ECPAS: variants seen among roughly 807,000 people sequenced by gnomAD.
ECPAS encodes the protein Ecm29 proteasome adaptor and scaffold.
ECPAS carries 70 observed loss-of-function variants against 255.1 expected under a neutral mutation model. The ratio of observed to expected loss-of-function variants is 0.27; its 90% confidence interval spans 0.23 to 0.33. ECPAS has a LOEUF of 0.33. Ranked by LOEUF, ECPAS falls within the 10% of genes least tolerant of loss-of-function variation. The probability of loss-of-function intolerance (pLI) is 1.00; values close to 1 mark genes in which losing one functional copy is unlikely to be tolerated. For missense variants in ECPAS, 1,817 were observed against 2,206.4 expected, an observed-to-expected ratio of 0.82 and a Z score of 3.54; for synonymous variants, 784 against 775.0, an observed-to-expected ratio of 1.01 and a Z score of -0.19.
At chr9:111,370,669 G>T in intron 44 of ECPAS, 42 bp from the exon 45 acceptor site, 1 of 1,605,058 alleles carries the variant, frequency 6.2e-7, no homozygotes, top group Admixed American at 1.7e-5. Context: ...AATAAAGGCT[G>T]CAGTTTTCGG....
At position 111,451,702 on chromosome 9, in the gene ECPAS, C is replaced by T. The variant is rs1008745036; in HGVS notation, c.23-147G>A. ...CTAGCCCTATACAGATATTTTGACACAGCAACAAACCACCACCAAAAGGTT... is the reference window on the plus strand; with the variant it reads ...CTAGCCCTATACAGATATTTTGACATAGCAACAAACCACCACCAAAAGGTT... On this transcript the variant is annotated intron_variant, in intron 2 of 49. Coordinates refer to ENST00000684092, the MANE Select transcript of ECPAS (RefSeq NM_001364929.1). The T allele has an allele frequency of 5.9e-6, 4 of 678,710 alleles. No homozygotes were observed. In the African/African-American group the frequency reaches 7.3e-5, roughly 12 times the overall value. 42.0% of individuals were successfully genotyped at this position (678,710 alleles called of 1,614,324 possible). A position where few individuals can be genotyped will look rare whatever the true frequency, so the allele number is the denominator to read the frequency against.
chr9:111,399,413 GA>G (rs1260262926), intron 24 of ECPAS, among the ~76,000 whole-genome samples: 1 of 152,182 alleles, frequency 6.6e-6, no homozygotes, highest in African/African-American at 2.4e-5. Flanking sequence ...GCACAGCTTG[GA>G]AAGAGAACCT....
intron 46 of ECPAS, among the ~76,000 whole-genome samples, chr9:111,368,030 G>A (rs1203074143): frequency 3.6e-5 from 5 of 138,346 alleles, no homozygotes; most frequent in African/African-American, 1.2e-4. Flanking sequence ...GCAAGACCCT[G>A]TCTCAAAAAA....
chr9:111,455,059 T>C (rs1027917875), intron 2 of ECPAS, among the ~76,000 whole-genome samples: 2 of 152,104 alleles, frequency 1.3e-5, no homozygotes. Flanking sequence ...ATAGTTAAAC[T>C]TACCATTCCT....
chr9:111,444,745 CTGTCGTG>C (rs1346526121), intron 3 of ECPAS, among the ~76,000 whole-genome samples: 1 of 152,192 alleles, frequency 6.6e-6, no homozygotes, highest in Non-Finnish European at 1.5e-5. Flanking sequence ...GAGTCTTGCT[CTGTCGTG>C]CAGGCTGGAG....
intron 25 of ECPAS, among the ~76,000 whole-genome samples, chr9:111,395,411 T>C (rs1054520891): frequency 1.3e-5 from 2 of 152,200 alleles, no homozygotes; most frequent in African/African-American, 4.8e-5. Context: ...CAGATGAGAA[T>C]GACATAGAAC....
At chr9:111,452,128 C>G (rs1393953615) in intron 2 of ECPAS, among the ~76,000 whole-genome samples, 1 of 152,148 alleles carries the variant, frequency 6.6e-6, no homozygotes, top group Non-Finnish European at 1.5e-5. Flanking sequence ...AAGGTAACTT[C>G]TTCAACCAGT....
At chr9:111,379,026 G>A (rs1316868336) in intron 35 of ECPAS, among the ~76,000 whole-genome samples, 2 of 152,136 alleles carry the variant, frequency 1.3e-5, no homozygotes, top group African/African-American at 4.8e-5. Context: ...TTTTATGGTA[G>A]GAATTTATAG....
In ECPAS at chr9:111,362,085, G is replaced by C. The variant is rs376372756; in HGVS notation, c.5465C>G (p.Pro1822Arg). 50 of 1,611,950 alleles carry C rather than the reference G, an allele frequency of 3.1e-5. No homozygotes were observed. Among genetic ancestry groups the C allele is most frequent in the Middle Eastern group, 1.7e-4 (1 of 6,056 alleles). Residue 1822 changes from proline (P) to arginine (R), a missense_variant, in exon 50 of 50, where the codon CCT (proline) becomes CGT (arginine). Coordinates refer to ENST00000684092, the MANE Select transcript of ECPAS (RefSeq NM_001364929.1). ...TAACGCTGCTTTCTCCTGCAGTTCA[G>C]GTCTGCTGTCTGGCTCCATAGTAGC... is the stretch of plus-strand genomic sequence containing the variant. ...SLATMEPDSR[P>R]ELQEKAALLK...
Position 111,414,451 on chromosome 9 carries a change from C to T in ECPAS, c.1965G>A (p.Gln655=). 1.2e-6 allele frequency: 2 copies of T among 1,613,894 alleles called. No homozygotes were observed. The highest frequency in any genetic ancestry group is 1.7e-6 in the Non-Finnish European group (2 of 1,179,760). The change falls in exon 19 of 50, where the codon CAG becomes CAA. Residue 655 remains glutamine, a synonymous_variant. Transcript: ENST00000684092. ...TACCTCCAACACCTGCTAACAGCTG[C>T]TGAAGCAGGCCAATGTAGATCTGGA... The part of the protein sequence containing the change: ...NPVQIYIGLL[Q]QLLAGVGGLP...
At chr9:111,391,187 G>A (rs1395604213) in intron 29 of ECPAS, among the ~76,000 whole-genome samples, 1 of 152,144 alleles carries the variant, frequency 6.6e-6, no homozygotes, top group Non-Finnish European at 1.5e-5. Flanking sequence ...GCCCTATCCT[G>A]CCTCCTCATC....
intron 1 of ECPAS, among the ~76,000 whole-genome samples, chr9:111,474,621 T>G (rs1447891759): frequency 6.6e-6 from 1 of 152,220 alleles, no homozygotes; most frequent in East Asian, 1.9e-4. Context: ...CTCTACTGTC[T>G]ACAGAACAAA....
intron 34 of ECPAS, among the ~76,000 whole-genome samples, chr9:111,383,846 C>T (rs1195444406): frequency 2.6e-5 from 4 of 152,000 alleles, no homozygotes; most frequent in Middle Eastern, 3.2e-3. Flanking sequence ...CTCCTGACCC[C>T]GGCAGGTCGA....
At chr9:111,460,563 T>C (rs1400369485) in intron 2 of ECPAS, among the ~76,000 whole-genome samples, 2 of 152,104 alleles carry the variant, frequency 1.3e-5, no homozygotes, top group Admixed American at 6.6e-5. Flanking sequence ...AAGATAATGA[T>C]TGGTACACAA....
chr9:111,446,338 G>A (rs979522326), intron 3 of ECPAS, among the ~76,000 whole-genome samples: 2 of 152,102 alleles, frequency 1.3e-5, no homozygotes, highest in African/African-American at 4.8e-5. Context: ...AAAAGAAATC[G>A]AGCATTGAGA....
At chr9:111,442,175 T>G in intron 5 of ECPAS, 131 bp downstream of exon 5, 1 of 562,008 alleles carries the variant, frequency 1.8e-6, no homozygotes, top group Non-Finnish European at 3.1e-6. Context: ...CACGGAAAAT[T>G]CTATTATTTG....
intron 24 of ECPAS, among the ~76,000 whole-genome samples, chr9:111,402,368 A>G (rs548173130): frequency 2.0e-5 from 3 of 152,378 alleles, no homozygotes; most frequent in Admixed American, 2.0e-4. Context: ...TCAATCTGAA[A>G]GAAAAGAATT....
intron 35 of ECPAS, among the ~76,000 whole-genome samples, chr9:111,381,761 T>C (rs1422129031): frequency 6.6e-6 from 1 of 152,220 alleles, no homozygotes; most frequent in Non-Finnish European, 1.5e-5. Context: ...AATGATTTTT[T>C]CATATCAAGT....
intron 31 of ECPAS, among the ~76,000 whole-genome samples, chr9:111,388,490 C>T (rs2098154012): frequency 6.6e-6 from 1 of 150,840 alleles, no homozygotes; most frequent in Admixed American, 6.6e-5. Context: ...ACAGGAGAGA[C>T]AGGAAGGGGC....
Sources: gnomAD v4.1 joint callset for allele counts (sites outside exome capture counted in the v4.1 genomes callset) on GRCh38, gnomAD v4.1.1 for gene constraint, MANE v1.5 for transcripts, NCBI Gene and HGNC (gene_info 2026-07-23, HGNC 2026-07-21) for gene names.